Variants in FOCAD observed in about 807,000 individuals in gnomAD.
FOCAD encodes the protein focadhesin.
A neutral mutation model predicts 225.6 loss-of-function variants in FOCAD; 198 were observed. That is an observed-to-expected ratio of 0.88 (90% confidence interval 0.78 to 0.99). FOCAD has a LOEUF of 0.99. FOCAD is among the 50% of genes least tolerant of loss of function. FOCAD has a pLI of 0.00. For missense variants in FOCAD, 2,713 were observed against 2,123.6 expected (o/e 1.28, Z -5.46); for synonymous variants, 897 against 755.0 (o/e 1.19, Z -3.08).
chr9:20,828,787 C>T (rs1003918781), intron 15 of FOCAD, among the ~76,000 whole-genome samples: 5 of 152,068 alleles, frequency 3.3e-5, no homozygotes, highest in Admixed American at 1.3e-4. Flanking sequence ...TCTCTCTCCC[C>T]GCAACCCCTC....
At chr9:20,923,904 C>A in intron 25 of FOCAD, 136 bp downstream of exon 25, 1 of 630,234 alleles carries the variant, frequency 1.6e-6, no homozygotes, top group Non-Finnish European at 2.8e-6. Flanking sequence ...GGCCTTTATA[C>A]TGTGAGCCTC....
intron 28 of FOCAD, among the ~76,000 whole-genome samples, chr9:20,940,730 G>T (rs1394393180): frequency 6.6e-6 from 1 of 152,160 alleles, no homozygotes; most frequent in African/African-American, 2.4e-5. Flanking sequence ...CATCACTTTG[G>T]TTTACAGATA....
chr9:20,813,854 T>C (rs1419036201), intron 11 of FOCAD, among the ~76,000 whole-genome samples: 1 of 152,210 alleles, frequency 6.6e-6, no homozygotes, highest in East Asian at 1.9e-4. Context: ...ACTGTATTGC[T>C]TTCCATTTTC....
chr9:20,757,462 G>T (rs911233644), intron 5 of FOCAD, among the ~76,000 whole-genome samples: 1 of 151,794 alleles, frequency 6.6e-6, no homozygotes, highest in African/African-American at 2.4e-5. Context: ...GTCTCTTTAG[G>T]TATCTTAATA....
At chr9:20,741,656 T>C (rs1827621139) in intron 5 of FOCAD, among the ~76,000 whole-genome samples, 1 of 149,252 alleles carries the variant, frequency 6.7e-6, no homozygotes, top group South Asian at 2.1e-4. Flanking sequence ...AGAGTAAAGC[T>C]TTCCAAATCG....
intron 18 of FOCAD, chr9:20,874,151 A>G (rs1048517174): frequency 6.6e-5 from 10 of 152,228 alleles, no homozygotes; most frequent in Admixed American, 5.2e-4. Context: ...TGTATTCCAC[A>G]GCAACAAACT....
chr9:20,735,052 A>G (rs551822664), intron 4 of FOCAD, among the ~76,000 whole-genome samples: 1 of 152,364 alleles, frequency 6.6e-6, no homozygotes, highest in African/African-American at 2.4e-5. Flanking sequence ...CAACATATCA[A>G]CATGAAAGTG....
chr9:20,665,664 G>A (rs1055455080), intron 2 of FOCAD, among the ~76,000 whole-genome samples: 15 of 152,278 alleles, frequency 9.9e-5, no homozygotes, highest in Non-Finnish European at 1.8e-4. Flanking sequence ...AGTTCTTAAA[G>A]GGAATAAAAG....
intron 2 of FOCAD, among the ~76,000 whole-genome samples, chr9:20,671,733 T>G (rs1431818951): frequency 2.0e-5 from 3 of 152,132 alleles, no homozygotes; most frequent in African/African-American, 2.4e-5. Flanking sequence ...GGCAAAAAGT[T>G]TCCTGTATTG....
At chr9:20,853,953 G>C (rs1181900453) in intron 15 of FOCAD, among the ~76,000 whole-genome samples, 1 of 151,596 alleles carries the variant, frequency 6.6e-6, no homozygotes. Context: ...ATTGTGTTTT[G>C]GTAACAGAAG....
intron 15 of FOCAD, among the ~76,000 whole-genome samples, chr9:20,855,197 C>A: frequency 6.6e-6 from 1 of 151,086 alleles, no homozygotes; most frequent in East Asian, 1.9e-4. Flanking sequence ...TAAAACTTTC[C>A]CATGTATAAG....
intron 15 of FOCAD, among the ~76,000 whole-genome samples, chr9:20,858,501 T>C (rs1299243598): frequency 1.3e-5 from 2 of 152,174 alleles, no homozygotes. Context: ...TCTCTTTTTT[T>C]CTTAGTCTGG....
chr9:20,784,547 A>G (rs1819719736), intron 10 of FOCAD, among the ~76,000 whole-genome samples: 1 of 152,150 alleles, frequency 6.6e-6, no homozygotes, highest in Non-Finnish European at 1.5e-5. Context: ...TTAAAAGCTA[A>G]ATTCTTGTAA....
rs142093639 is a variant in FOCAD at position 20,761,806 on chromosome 9, G to T, written c.495-3063G>T. Among the ~76,000 whole-genome samples the T allele has an allele frequency of 4.2e-3, 646 of 152,198 alleles. 4 individuals are homozygous for T. Among genetic ancestry groups the T allele is most frequent in the African/African-American group, 0.014 (586 of 41,534 alleles). The stretch of plus-strand genomic sequence containing the variant: ...GTGAACTTAAATATAAAAGACTTGT[G>T]TGTAGGTACATACATAATTGGTTAC... On this transcript the variant is annotated intron_variant, in intron 6 of 43. Coordinates refer to ENST00000338382, the MANE Select transcript of FOCAD (RefSeq NM_001375567.1).
At chr9:20,956,735 C>A (rs958402885) in intron 35 of FOCAD, among the ~76,000 whole-genome samples, 6 of 152,040 alleles carry the variant, frequency 3.9e-5, no homozygotes, top group African/African-American at 1.5e-4. Context: ...TCATAAACCT[C>A]ATGAAAATGT....
chr9:20,945,645 AT>A (rs573747695), intron 29 of FOCAD, among the ~76,000 whole-genome samples: 2 of 152,020 alleles, frequency 1.3e-5, no homozygotes, highest in East Asian at 1.9e-4. Flanking sequence ...TAAAGTACGT[AT>A]TTTTTTTAAG....
chr9:20,912,737 C>A, intron 22 of FOCAD, 129 bp from the exon 23 acceptor site: 1 of 642,564 alleles, frequency 1.6e-6, no homozygotes, highest in Non-Finnish European at 2.7e-6. Flanking sequence ...CATCCTCTTT[C>A]ATAATCTAAT....
intron 38 of FOCAD, 76 bp downstream of exon 38, chr9:20,981,762 G>C (rs149477120): frequency 6.7e-6 from 10 of 1,493,294 alleles, no homozygotes; most frequent in Non-Finnish European, 8.1e-6. Flanking sequence ...AAAGTGGGGA[G>C]GTGTATGTTT....
chr9:20,781,981 G>A (rs950341689), intron 10 of FOCAD, 52 bp downstream of exon 10: 3 of 1,497,360 alleles, frequency 2.0e-6, no homozygotes, highest in African/African-American at 2.8e-5. Flanking sequence ...GTGGGATTTC[G>A]GTCTTTACGG....
Sources: gnomAD v4.1 joint callset for allele counts (sites outside exome capture counted in the v4.1 genomes callset) on GRCh38, gnomAD v4.1.1 for gene constraint, MANE v1.5 for transcripts, NCBI Gene and HGNC (gene_info 2026-07-23, HGNC 2026-07-21) for gene names.